CSMD1: variants seen among roughly 807,000 people sequenced by gnomAD.
CSMD1 encodes CUB and Sushi multiple domains 1.
In CSMD1, 213 loss-of-function variants were observed where a neutral mutation model predicts 417.5. The ratio of observed to expected loss-of-function variants is 0.51; its 90% CI spans 0.46 to 0.57. CSMD1 has a LOEUF of 0.57. CSMD1 is among the 20% of genes least tolerant of loss of function. The probability of loss-of-function intolerance (pLI) is 0.00; values close to 1 mark genes in which losing one functional copy is unlikely to be tolerated. For synonymous variants in CSMD1, 2,862 were observed against 1,736.8 expected (o/e 1.65, Z -16.11); for missense variants, 6,923 against 4,529.7 (o/e 1.53, Z -15.17).
chr8:4,417,154 T>C (rs1173836401), intron 3 of CSMD1, among the ~76,000 whole-genome samples: 2 of 152,036 alleles, frequency 1.3e-5, no homozygotes, highest in Non-Finnish European at 2.9e-5. Context: ...GAGGTCTATA[T>C]TCAGAAAGTC....
chr8:3,376,830 G>C (rs35968440), intron 18 of CSMD1, among the ~76,000 whole-genome samples: 2 of 151,768 alleles, frequency 1.3e-5, no homozygotes, highest in Non-Finnish European at 2.9e-5. Flanking sequence ...AATGTTTAAA[G>C]GTTTAAATAT....
chr8:3,916,302 T>G (rs1264813315), intron 5 of CSMD1, among the ~76,000 whole-genome samples: 1 of 152,138 alleles, frequency 6.6e-6, no homozygotes, highest in Admixed American at 6.6e-5. Context: ...TAAAATCACC[T>G]GGTTCTCAGC....
intron 53 of CSMD1, among the ~76,000 whole-genome samples, chr8:2,999,209 C>G (rs1449889189): frequency 2.1e-5 from 3 of 140,134 alleles, no homozygotes; most frequent in African/African-American, 5.3e-5. Flanking sequence ...GGCTGGGGTG[C>G]AGCGGCACGA....
At chr8:4,456,089 A>C (rs1159538916) in intron 2 of CSMD1, among the ~76,000 whole-genome samples, 1 of 146,686 alleles carries the variant, frequency 6.8e-6, no homozygotes, top group Non-Finnish European at 1.5e-5. Context: ...AAAATGTGAA[A>C]GTACGTACTG....
At chr8:4,198,916 C>A (rs1295247355) in intron 3 of CSMD1, among the ~76,000 whole-genome samples, 1 of 151,230 alleles carries the variant, frequency 6.6e-6, no homozygotes, top group Non-Finnish European at 1.5e-5. Flanking sequence ...TCCTTCCACG[C>A]AGGTTTTTTT....
chr8:4,930,086 C>T (rs1338288795), intron 1 of CSMD1, among the ~76,000 whole-genome samples: 1 of 152,166 alleles, frequency 6.6e-6, no homozygotes, highest in Non-Finnish European at 1.5e-5. Context: ...GAGCTTGTTT[C>T]TCGCCCTAGC....
At chr8:3,524,689 CAA>C (rs376707244) in intron 10 of CSMD1, among the ~76,000 whole-genome samples, 540 of 150,126 alleles carry the variant, frequency 3.6e-3, no homozygotes, top group African/African-American at 0.01. Context: ...ACACATGCAC[CAA>C]AGAGACGTGC....
chr8:3,494,364 T>C (rs1184333279), intron 10 of CSMD1, among the ~76,000 whole-genome samples: 2 of 152,200 alleles, frequency 1.3e-5, no homozygotes, highest in South Asian at 2.1e-4. Flanking sequence ...GAGCACAAGA[T>C]CTTTTTCTCC....
At chr8:4,035,434 G>C (rs186201950) in intron 3 of CSMD1, among the ~76,000 whole-genome samples, 2 of 152,044 alleles carry the variant, frequency 1.3e-5, no homozygotes, top group African/African-American at 4.8e-5. Flanking sequence ...CCTTAGTCAG[G>C]TCCTTCAGGA....
At chr8:3,463,969 G>A (rs1017917855) in intron 12 of CSMD1, among the ~76,000 whole-genome samples, 5 of 152,098 alleles carry the variant, frequency 3.3e-5, no homozygotes, top group East Asian at 1.9e-4. Context: ...TGTATTCATC[G>A]GACGAAGGAG....
At chr8:3,331,049 G>C (rs1301740050) in intron 23 of CSMD1, among the ~76,000 whole-genome samples, 1 of 151,936 alleles carries the variant, frequency 6.6e-6, no homozygotes, top group African/African-American at 2.4e-5. Flanking sequence ...AGGATATCGA[G>C]ACCACAGTGA....
intron 6 of CSMD1, among the ~76,000 whole-genome samples, chr8:3,714,448 C>A (rs920595377): frequency 2.0e-5 from 3 of 150,556 alleles, no homozygotes; most frequent in Non-Finnish European, 4.4e-5. Context: ...TTTGACCAGG[C>A]ATGGTGGTTC....
intron 3 of CSMD1, among the ~76,000 whole-genome samples, chr8:4,240,721 G>A (rs943139835): frequency 6.6e-6 from 1 of 152,116 alleles, no homozygotes; most frequent in African/African-American, 2.4e-5. Context: ...TGCAGTTGAT[G>A]CCAATGTTGC....
chr8:3,763,224 C>G (rs1241176943), intron 5 of CSMD1, among the ~76,000 whole-genome samples: 1 of 152,134 alleles, frequency 6.6e-6, no homozygotes, highest in Non-Finnish European at 1.5e-5. Flanking sequence ...ATATGAAACC[C>G]TCGATGTTAT....
chr8:4,258,949 A>T (rs1013197312), intron 3 of CSMD1, among the ~76,000 whole-genome samples: 1 of 152,274 alleles, frequency 6.6e-6, no homozygotes, highest in South Asian at 2.1e-4. Flanking sequence ...TCATCGACTT[A>T]ATACACTAAG....
chr8:3,485,434 G>C (rs867849054), intron 11 of CSMD1, among the ~76,000 whole-genome samples: 15 of 151,922 alleles, frequency 9.9e-5, no homozygotes, highest in Admixed American at 2.6e-4. Flanking sequence ...GAAAATATGA[G>C]GGAACTTTGG....
chr8:4,711,058 A>C (rs1808261611), intron 1 of CSMD1, among the ~76,000 whole-genome samples: 1 of 151,956 alleles, frequency 6.6e-6, no homozygotes, highest in Non-Finnish European at 1.5e-5. Context: ...AAAATTAGGC[A>C]AAATCATGAC....
Position 4,669,100 on chromosome 8 carries a change from C to T in CSMD1, c.86-31542G>A, listed in dbSNP as rs561508334. ...TTTACAGACTTATAAAGCTTTACTT[C>T]AGCTTTAAAAAATCTGCATTTGGCA... On this transcript the variant is annotated intron_variant, in intron 1 of 69. Transcript: ENST00000635120. 2.0e-5 allele frequency among the ~76,000 whole-genome samples: 3 copies of T among 152,264 alleles called. No individual in the cohort carries two copies. The South Asian group carries it at 6.2e-4, about 32-fold the overall frequency.
At chr8:3,780,697 C>G (rs558768278) in intron 5 of CSMD1, among the ~76,000 whole-genome samples, 1 of 152,196 alleles carries the variant, frequency 6.6e-6, no homozygotes, top group Non-Finnish European at 1.5e-5. Context: ...GCAGAAAGAG[C>G]CCAGCCTGGT....
Sources: allele counts gnomAD v4.1 joint callset (sites outside exome capture counted in the v4.1 genomes callset), GRCh38; gene constraint gnomAD v4.1.1; transcripts MANE v1.5; gene names NCBI Gene and HGNC (gene_info 2026-07-23, HGNC 2026-07-21).